The following TMEM38B variants were observed in gnomAD, a reference collection of about 807,000 sequenced individuals.
TMEM38B encodes the protein transmembrane protein 38B.
TMEM38B carries 24 observed loss-of-function variants against 28.7 expected under a neutral mutation model. The observed-to-expected ratio is 0.84, with a 90% CI of 0.61 to 1.18. TMEM38B has a LOEUF of 1.18. TMEM38B is among the 50% of genes most tolerant of loss of function. TMEM38B has a pLI of 0.00. For synonymous variants in TMEM38B, 131 were observed against 127.7 expected (o/e 1.03, Z -0.17); for missense variants, 380 against 350.9 (o/e 1.08, Z -0.66).
chr9:105,759,246 T>C, intron 5 of TMEM38B: 1 of 717,558 alleles, frequency 1.4e-6, no homozygotes, highest in Non-Finnish European at 2.5e-6. Context: ...TGTTTGTGGC[T>C]ATGTCATAGT....
chr9:105,757,117 C>T (rs1588463663), intron 5 of TMEM38B, among the ~76,000 whole-genome samples: 1 of 152,146 alleles, frequency 6.6e-6, no homozygotes, highest in Admixed American at 6.6e-5. Flanking sequence ...CCCTTGCATC[C>T]TCACAGCTTA....
chr9:105,723,367 A>G (rs1564395533), intron 4 of TMEM38B, among the ~76,000 whole-genome samples: 1 of 151,146 alleles, frequency 6.6e-6, no homozygotes, highest in Non-Finnish European at 1.5e-5. Flanking sequence ...AGTTGGGACT[A>G]CAGGTGTGTG....
intron 1 of TMEM38B, among the ~76,000 whole-genome samples, chr9:105,705,171 A>C (rs981267934): frequency 7.9e-5 from 12 of 152,132 alleles, no homozygotes; most frequent in Non-Finnish European, 1.3e-4. Flanking sequence ...TCTTGTTGAA[A>C]GCTTAGTTTA....
chr9:105,765,926 C>A (rs965345855), intron 5 of TMEM38B, among the ~76,000 whole-genome samples: 1 of 152,030 alleles, frequency 6.6e-6, no homozygotes, highest in South Asian at 2.1e-4. Flanking sequence ...CTCAGCTTCT[C>A]GAGTAGATGG....
intron 1 of TMEM38B, among the ~76,000 whole-genome samples, chr9:105,696,115 G>A (rs1267875085): frequency 6.6e-6 from 1 of 152,134 alleles, no homozygotes; most frequent in Non-Finnish European, 1.5e-5. Context: ...GTACAGTGGA[G>A]TTTTCCAGAG....
chr9:105,699,398 A>G (rs1457604486), intron 1 of TMEM38B, among the ~76,000 whole-genome samples: 1 of 152,158 alleles, frequency 6.6e-6, no homozygotes, highest in Non-Finnish European at 1.5e-5. Context: ...AGTTCTTCAT[A>G]TATTTACCCT....
rs544007292 is a variant in TMEM38B, at chr9:105,766,914, C to G, written c.661-6951C>G. ...CCTCCCCCCACCCCACGACAGGCCC[C>G]GGTGTGTGGTGTTCCCCACCCTGTG... is the stretch of plus-strand genomic sequence containing the variant. On this transcript the variant is annotated intron_variant, in intron 5 of 5. Transcript: ENST00000374692. 3.8e-3 allele frequency among the ~76,000 whole-genome samples: 512 copies of G among 136,200 alleles called. 2 individuals carry two copies. Among genetic ancestry groups the G allele is most frequent in the African/African-American group, 0.013 (491 of 37,168 alleles). 89.4% of individuals were successfully genotyped at this position (136,200 alleles called of 152,430 possible). A position where few individuals can be genotyped will look rare whatever the true frequency, so the allele number is the denominator to read the frequency against.
chr9:105,718,292 G>A (rs1588410923), intron 2 of TMEM38B, among the ~76,000 whole-genome samples: 1 of 150,994 alleles, frequency 6.6e-6, no homozygotes. Flanking sequence ...AGGCTGGAGT[G>A]CAATGGCACG....
intron 2 of TMEM38B, among the ~76,000 whole-genome samples, chr9:105,708,898 A>G (rs1835784145): frequency 6.6e-6 from 1 of 151,344 alleles, no homozygotes; most frequent in African/African-American, 2.4e-5. Context: ...ATAATAGCCC[A>G]TCAGAGAGTG....
chr9:105,744,812 C>A lies in TMEM38B; in HGVS notation c.543-3261C>A, dbSNP rs929055099. Among the ~76,000 whole-genome samples the A allele has an allele frequency of 1.5e-4, 23 of 152,170 alleles. No individual in the cohort carries two copies. The East Asian group carries it at 4.5e-3, about 29-fold the overall frequency. Reference sequence around the variant, plus strand: ...CCATGTGTTCTCATTGTTCAATTCCCACCTATGAGTGAGAACATGTGGTGT... The same window carrying A: ...CCATGTGTTCTCATTGTTCAATTCCAACCTATGAGTGAGAACATGTGGTGT... On this transcript the variant is annotated intron_variant, in intron 4 of 5. Coordinates refer to ENST00000374692, the MANE Select transcript of TMEM38B (RefSeq NM_018112.3).
At chr9:105,752,218 T>G (rs1355170084) in intron 5 of TMEM38B, among the ~76,000 whole-genome samples, 3 of 152,180 alleles carry the variant, frequency 2.0e-5, no homozygotes, top group Non-Finnish European at 4.4e-5. Context: ...TCACCATCTC[T>G]GTGACTCAGT....
intron 4 of TMEM38B, among the ~76,000 whole-genome samples, chr9:105,744,690 C>T (rs984855001): frequency 1.3e-5 from 2 of 151,944 alleles, no homozygotes; most frequent in Non-Finnish European, 2.9e-5. Context: ...CACCCATTAA[C>T]TCGTCATTTA....
chr9:105,697,403 A>T lies in TMEM38B; in HGVS notation c.112+2631A>T, dbSNP rs971066479. ...ACAAGAGTGAACAGTGTACCTGTTTAGCCTTTTACCCGAAGTGTGTTAGAC... is the reference window on the plus strand; with the variant it reads ...ACAAGAGTGAACAGTGTACCTGTTTTGCCTTTTACCCGAAGTGTGTTAGAC... On this transcript the variant is annotated intron_variant, in intron 1 of 5. Transcript: ENST00000374692. Among the ~76,000 whole-genome samples the T allele has an allele frequency of 3.9e-5, 6 of 152,232 alleles. No individual in the cohort carries two copies. In the South Asian group the frequency reaches 8.3e-4, roughly 21 times the overall value.
intron 5 of TMEM38B, chr9:105,759,306 T>A: frequency 2.3e-6 from 2 of 865,682 alleles, no homozygotes; most frequent in South Asian, 2.9e-5. Context: ...TCCACAGTCT[T>A]AAAAATTCCT....
intron 4 of TMEM38B, among the ~76,000 whole-genome samples, chr9:105,740,915 A>G (rs926679909): frequency 6.6e-6 from 1 of 152,238 alleles, no homozygotes; most frequent in Non-Finnish European, 1.5e-5. Flanking sequence ...AGACTGAACA[A>G]TGGTTTCTAA....
At chr9:105,758,313 T>A in intron 5 of TMEM38B, 4 of 753,842 alleles carry the variant, frequency 5.3e-6, no homozygotes, top group Non-Finnish European at 7.1e-6. Flanking sequence ...CTACAGCAAG[T>A]GGCAGAGCTA....
chr9:105,756,665 C>G (rs900568789), intron 5 of TMEM38B, among the ~76,000 whole-genome samples: 1 of 152,072 alleles, frequency 6.6e-6, no homozygotes, highest in African/African-American at 2.4e-5. Flanking sequence ...ATGTAAAGTT[C>G]TGTATTTTAA....
At chr9:105,748,808 C>T (rs1024066157) in intron 5 of TMEM38B, among the ~76,000 whole-genome samples, 4 of 152,176 alleles carry the variant, frequency 2.6e-5, no homozygotes, top group Admixed American at 1.3e-4. Context: ...ATGTATCTTA[C>T]GAATTTTGTT....
At chr9:105,753,390 G>C (rs146336609) in intron 5 of TMEM38B, among the ~76,000 whole-genome samples, 1 of 151,960 alleles carries the variant, frequency 6.6e-6, no homozygotes, top group Non-Finnish European at 1.5e-5. Context: ...CGAAATGAAA[G>C]AAAAAATGTT....
Sources: gnomAD v4.1 joint callset for allele counts (sites outside exome capture counted in the v4.1 genomes callset) on GRCh38, gnomAD v4.1.1 for gene constraint, MANE v1.5 for transcripts, NCBI Gene and HGNC (gene_info 2026-07-23, HGNC 2026-07-21) for gene names.